Variants in NMNAT1 observed in about 807,000 individuals in gnomAD.
NMNAT1 encodes the protein nicotinamide/nicotinic acid mononucleotide adenylyltransferase 1.
A neutral mutation model predicts 16.7 loss-of-function variants in NMNAT1; 11 were observed. That is an observed-to-expected ratio of 0.66 (90% CI 0.41 to 1.09). NMNAT1 has a LOEUF of 1.09. NMNAT1 is among the 50% of genes least tolerant of loss of function. The pLI, the probability that NMNAT1 is intolerant of heterozygous loss-of-function variation, is 0.00. For synonymous variants in NMNAT1, 110 were observed against 119.8 expected (o/e 0.92, Z 0.53); for missense variants, 280 against 332.3 (o/e 0.84, Z 1.22).
chr1:9,946,757 G>A (rs1251169357), intron 1 of NMNAT1, among the ~76,000 whole-genome samples: 1 of 152,076 alleles, frequency 6.6e-6, no homozygotes, highest in Non-Finnish European at 1.5e-5. Flanking sequence ...TAGGACTAGT[G>A]TCCTTATCAG....
chr1:9,957,098 C>T (rs1641280922), intron 1 of NMNAT1, among the ~76,000 whole-genome samples: 2 of 151,918 alleles, frequency 1.3e-5, no homozygotes, highest in African/African-American at 4.8e-5. Flanking sequence ...GGTGGGATAT[C>T]AACTCACTGC....
At position 9,950,897 on chromosome 1, in the gene NMNAT1, T is replaced by G. The variant is rs142804216; in HGVS notation, c.-57+7382T>G. ...TGAGGTCAGGAGTTCAAGACTAGCC[T>G]GGCCAACATGGCGAAACCCCATCTC... On this transcript the variant is annotated intron_variant, in intron 1 of 4. Transcript: ENST00000377205. Among the ~76,000 whole-genome samples the G allele has an allele frequency of 8.8e-3, 1,336 of 152,196 alleles. 110 individuals carry two copies. The East Asian group carries it at 0.18, about 20-fold the overall frequency.
rs6143117 is a variant in NMNAT1 at position 9,968,080 on chromosome 1, G to GTTTT, written c.-56-3932_-56-3929dup. On this transcript the variant is annotated intron_variant, in intron 1 of 4. Coordinates refer to ENST00000377205, the MANE Select transcript of NMNAT1 (RefSeq NM_022787.4). ...TTTGCCAAATGTAGTTTTTTTTTTT[G>GTTTT]TTTTTTTTTGAGATGGAGTCTCGCT... is the stretch of plus-strand genomic sequence containing the variant. 7.6e-5 allele frequency among the ~76,000 whole-genome samples: 9 copies of GTTTT among 117,806 alleles called. 1 individual carries two copies. The highest frequency in any genetic ancestry group is 5.6e-4 in the South Asian group (2 of 3,602). The allele number at this position is 117,806 out of a possible 152,430, so 77.3% of individuals were successfully genotyped here.
the NMNAT1 span, among the ~76,000 whole-genome samples, chr1:9,990,854 G>A: frequency 2.0e-5 from 3 of 152,160 alleles, no homozygotes; most frequent in East Asian, 5.8e-4. Flanking sequence ...GGAAAGAAAG[G>A]GCTCAAATTT....
At chr1:9,961,143 T>C (rs1477892660) in intron 1 of NMNAT1, among the ~76,000 whole-genome samples, 2 of 152,186 alleles carry the variant, frequency 1.3e-5, no homozygotes, top group Admixed American at 1.3e-4. Context: ...GCTTCCTTTA[T>C]GCTGAGAGAT....
intron 2 of NMNAT1, chr1:9,972,650 G>C (rs955807719): frequency 1.9e-5 from 3 of 154,714 alleles, no homozygotes; most frequent in Non-Finnish European, 4.3e-5. Flanking sequence ...TGAGCATCTG[G>C]CTATGGCCTG....
At chr1:9,959,603 C>A (rs928229402) in intron 1 of NMNAT1, among the ~76,000 whole-genome samples, 4 of 152,050 alleles carry the variant, frequency 2.6e-5, no homozygotes, top group African/African-American at 7.2e-5. Context: ...ATGGCTTGAA[C>A]CTGGGAGGTG....
At chr1:9,955,117 T>G (rs1436598630) in intron 1 of NMNAT1, among the ~76,000 whole-genome samples, 1 of 150,670 alleles carries the variant, frequency 6.6e-6, no homozygotes, top group Non-Finnish European at 1.5e-5. Context: ...AAACCCCATC[T>G]CTAAGCTGGG....
downstream of NMNAT1, among the ~76,000 whole-genome samples, chr1:9,990,273 A>G (rs1642093689): frequency 6.6e-6 from 1 of 151,732 alleles, no homozygotes; most frequent in African/African-American, 2.4e-5. Context: ...GTCATCGGGG[A>G]CCCGGGTTCT....
intron 1 of NMNAT1, among the ~76,000 whole-genome samples, chr1:9,962,716 C>T (rs1318664706): frequency 1.8e-5 from 2 of 108,616 alleles, no homozygotes; most frequent in African/African-American, 3.6e-5. Flanking sequence ...GAGTCTTGCT[C>T]TGTAGCCCAG....
intron 2 of NMNAT1, among the ~76,000 whole-genome samples, chr1:9,974,249 C>T (rs1057101164): frequency 1.3e-5 from 2 of 150,422 alleles, no homozygotes; most frequent in Non-Finnish European, 3.0e-5. Flanking sequence ...ATGGTTCTCA[C>T]TCTGTCACCC....
At position 9,972,494 on chromosome 1, in the gene NMNAT1, C is replaced by A. The variant is rs368674407; in HGVS notation, c.115+306C>A. 219 of 143,126 alleles carry A rather than the reference C, an allele frequency of 1.5e-3. 1 individual carries two copies. Among genetic ancestry groups the A allele is most frequent in the South Asian group, 3.6e-3 (17 of 4,712 alleles). The allele number at this position is 143,126 out of a possible 1,614,324, so 8.9% of individuals were successfully genotyped here. On this transcript the variant is annotated intron_variant, in intron 2 of 4. Coordinates refer to ENST00000377205, the MANE Select transcript of NMNAT1 (RefSeq NM_022787.4). ...CTGGAGACAGAGCAAGACACCATCT[C>A]AAAAAAAAAAAAAAATACTAGAGAA...
chr1:9,981,591 G>T (rs1641950802), intron 4 of NMNAT1: 1 of 159,796 alleles, frequency 6.3e-6, no homozygotes, highest in South Asian at 1.6e-4. Flanking sequence ...GGTTGGTCTT[G>T]AACTCCTGGC....
rs193170858 is a variant in NMNAT1, at chr1:9,984,705, C to G, written c.*2004C>G. On this transcript the variant is annotated 3_prime_UTR_variant, in exon 5 of 5. Coordinates refer to ENST00000377205, the MANE Select transcript of NMNAT1 (RefSeq NM_022787.4). ...TGCTGGGGGTTTTATGTGTTGTACC[C>G]TTTACCCCTTACATTGTGTAATTTG... is the stretch of plus-strand genomic sequence containing the variant. The G allele has an allele frequency of 1.3e-5, 2 of 152,214 alleles. No homozygotes were observed. Among genetic ancestry groups the G allele is most frequent in the Admixed American group, 1.3e-4 (2 of 15,262 alleles). The allele number at this position is 152,214 out of a possible 1,614,324, so 9.4% of individuals were successfully genotyped here. A position where few individuals can be genotyped will look rare whatever the true frequency, so the allele number is the denominator to read the frequency against.
At chr1:9,996,320 A>AAAAAAG in the NMNAT1 span, among the ~76,000 whole-genome samples, 1 of 150,536 alleles carries the variant, frequency 6.6e-6, no homozygotes, top group Non-Finnish European at 1.5e-5. Flanking sequence ...AAAAAAAAAA[A>AAAAAAG]AAAAAAGAAA....
At chr1:9,956,937 G>A (rs1308380241) in intron 1 of NMNAT1, among the ~76,000 whole-genome samples, 1 of 151,628 alleles carries the variant, frequency 6.6e-6, no homozygotes, top group African/African-American at 2.4e-5. Context: ...TCACCATGTT[G>A]GTCATGCTGG....
At chr1:9,955,411 A>AAG (rs904130879) in intron 1 of NMNAT1, among the ~76,000 whole-genome samples, 1 of 148,662 alleles carries the variant, frequency 6.7e-6, no homozygotes, top group African/African-American at 2.5e-5. Context: ...CTCAAAAAAA[A>AAG]AAAAAAAAAA....
intron 1 of NMNAT1, chr1:9,956,011 G>C (rs1641250258): frequency 6.6e-6 from 1 of 151,938 alleles, no homozygotes; most frequent in Non-Finnish European, 1.5e-5. Context: ...TTCTTATTCT[G>C]GCACTGGGTT....
At chr1:9,991,759 A>G in the NMNAT1 span, among the ~76,000 whole-genome samples, 1 of 152,258 alleles carries the variant, frequency 6.6e-6, no homozygotes, top group South Asian at 2.1e-4. Context: ...ATGATAAAGG[A>G]CGTAAGCAGA....
Sources: allele counts gnomAD v4.1 joint callset (sites outside exome capture counted in the v4.1 genomes callset), GRCh38; gene constraint gnomAD v4.1.1; transcripts MANE v1.5; gene names NCBI Gene and HGNC (gene_info 2026-07-23, HGNC 2026-07-21).